MYO18A: variants seen among roughly 807,000 people sequenced by gnomAD.
MYO18A encodes the protein unconventional myosin-XVIIIa.
MYO18A carries 78 observed loss-of-function variants against 235.8 expected under a neutral mutation model. The ratio of observed to expected loss-of-function variants is 0.33; its 90% CI spans 0.28 to 0.40. The LOEUF (loss-of-function observed/expected upper bound fraction) is 0.40, where lower values mean the gene tolerates loss of function less well. Ranked by LOEUF, MYO18A falls within the 10% of genes least tolerant of loss-of-function variation. The pLI is 1.00. For missense variants in MYO18A, 2,215 were observed against 2,699.3 expected, an observed-to-expected ratio of 0.82 and a Z score of 3.98; for synonymous variants, 977 against 1,077.8, an observed-to-expected ratio of 0.91 and a Z score of 1.83.
intron 15 of MYO18A, among the ~76,000 whole-genome samples, chr17:29,112,423 C>T (rs754235717): frequency 1.3e-5 from 2 of 152,166 alleles, no homozygotes; most frequent in Admixed American, 6.5e-5. Flanking sequence ...ACTTAACGGA[C>T]GTGGCAGCCA....
chr17:29,118,054 C>T lies in MYO18A; in HGVS notation c.2029G>A (p.Ala677Thr), dbSNP rs1211149922. 1.3e-6 allele frequency: 2 copies of T among 1,582,108 alleles called. No individual in the cohort carries two copies. The highest frequency in any genetic ancestry group is 2.7e-5 in the African/African-American group (2 of 74,188). ...AAIYHLGAAG[A>T]TKEAAEAGRK... ...ACCCACTGCAGGTTACCTTTGGTGG[C>T]TCCCGCAGCCCCCAGGTGGTAGATG... The change falls in exon 10 of 42, where the codon GCC (alanine) becomes ACC (threonine). Residue 677 changes from alanine (A) to threonine (T), a missense_variant. Coordinates refer to ENST00000527372, the MANE Select transcript of MYO18A (RefSeq NM_078471.4). This position sits in a 1 kb window ranked among gnomAD's most constrained non-coding sequence, Gnocchi z 4.2.
intron 2 of MYO18A, among the ~76,000 whole-genome samples, chr17:29,157,425 C>A (rs1165863752): frequency 6.6e-6 from 1 of 152,198 alleles, no homozygotes; most frequent in Admixed American, 6.5e-5. Flanking sequence ...AGTGACAGGG[C>A]AGCAGGAGTC....
Position 29,121,784 on chromosome 17 carries a change from G to T in MYO18A, c.1195-61C>A, listed in dbSNP as rs887529916. The T allele has an allele frequency of 9.9e-6, 16 of 1,608,358 alleles. No individual in the cohort carries two copies. Among genetic ancestry groups the T allele is most frequent in the Non-Finnish European group, 1.4e-5 (16 of 1,176,444 alleles). On this transcript the variant is annotated intron_variant, in intron 4 of 41. Transcript: ENST00000527372. This position sits in a 1 kb window ranked among gnomAD's most constrained non-coding sequence, Gnocchi z 4.2. ...GCAGAGCCCATCTCCGCTGCCAGAG[G>T]ATGGGCCTGCCCTGCCCAGTGCACT...
At chr17:29,156,890 G>A (rs1224777031) in intron 2 of MYO18A, among the ~76,000 whole-genome samples, 1 of 152,204 alleles carries the variant, frequency 6.6e-6, no homozygotes, top group East Asian at 1.9e-4. Flanking sequence ...GGAGCTCAAG[G>A]GTAGACGCCA....
chr17:29,162,456 G>A (rs2068194076), intron 2 of MYO18A, among the ~76,000 whole-genome samples: 1 of 152,140 alleles, frequency 6.6e-6, no homozygotes, highest in Non-Finnish European at 1.5e-5. Context: ...GCATGTGTTT[G>A]TGACAGTGTT....
Position 29,089,950 on chromosome 17 carries a change from T to C in MYO18A, c.5526+11A>G. 1.2e-6 allele frequency: 2 copies of C among 1,613,914 alleles called. No individual in the cohort carries two copies. The highest frequency in any genetic ancestry group is 1.7e-6 in the Non-Finnish European group (2 of 1,179,836). ...CCTGTTTGGTGTGGCCCGGGAGAAG[T>C]GTGAACCCACCTCCAGCCGTTTCAC... On this transcript the variant is annotated intron_variant, in intron 37 of 41. Coordinates refer to ENST00000527372, the MANE Select transcript of MYO18A (RefSeq NM_078471.4).
chr17:29,168,232 C>T (rs1175034838), intron 1 of MYO18A, among the ~76,000 whole-genome samples: 1 of 152,052 alleles, frequency 6.6e-6, no homozygotes, highest in Non-Finnish European at 1.5e-5. Flanking sequence ...ACATCCTTTT[C>T]CCCAGACCAA....
intron 2 of MYO18A, chr17:29,131,529 T>C (rs1598355452): frequency 1.6e-6 from 1 of 623,442 alleles, no homozygotes; most frequent in Non-Finnish European, 2.0e-6. Flanking sequence ...TCAAGGGGCC[T>C]CCCTCACCCT....
chr17:29,179,423 C>T (rs1244504957), intron 1 of MYO18A, among the ~76,000 whole-genome samples: 1 of 152,138 alleles, frequency 6.6e-6, no homozygotes, highest in Admixed American at 6.5e-5. Context: ...AGGAACATGA[C>T]CCACACTCCT....
chr17:29,159,755 G>A (rs1288191075), intron 2 of MYO18A, among the ~76,000 whole-genome samples: 1 of 152,182 alleles, frequency 6.6e-6, no homozygotes, highest in African/African-American at 2.4e-5. Context: ...CAAGGTTGAT[G>A]AGGCTCATAC....
In MYO18A at chr17:29,114,111, C is replaced by T; in HGVS notation, c.2512-14G>A. The T allele has an allele frequency of 6.3e-7, 1 of 1,579,712 alleles. No individual in the cohort carries two copies. The highest frequency in any genetic ancestry group is 8.6e-7 in the Non-Finnish European group (1 of 1,161,922). On this transcript the variant is annotated splice_polypyrimidine_tract_variant and intron_variant, in intron 14 of 41. Transcript: ENST00000527372. Reference sequence around the variant, plus strand: ...CTCGATGTTCTCCTGGGAAAGAAGGCCGAGCGGTAGTGAGCATGGGGGTCA... The same window carrying T: ...CTCGATGTTCTCCTGGGAAAGAAGGTCGAGCGGTAGTGAGCATGGGGGTCA...
chr17:29,118,070 G>C lies in MYO18A; in HGVS notation c.2013C>G (p.His671Gln). 6.3e-7 allele frequency: 1 copy of C among 1,588,564 alleles called. No individual in the cohort carries two copies. Among genetic ancestry groups the C allele is most frequent in the Non-Finnish European group, 8.6e-7 (1 of 1,167,488 alleles). ...ACWFILAAIYHLGAAGATKEA... is the reference protein window; with the variant it reads ...ACWFILAAIYQLGAAGATKEA... ...CTTTGGTGGCTCCCGCAGCCCCCAG[G>C]TGGTAGATGGCAGCCAGAATGAACC... Residue 671 changes from histidine (H) to glutamine (Q), a missense_variant, in exon 10 of 42, where the codon CAC becomes CAG. Physicochemically the swap from His to Gln is conservative, Grantham distance 24. Coordinates refer to ENST00000527372, the MANE Select transcript of MYO18A (RefSeq NM_078471.4). This position sits in a 1 kb window ranked among gnomAD's most constrained non-coding sequence, Gnocchi z 4.2.
Position 29,085,787 on chromosome 17 carries a change from T to A in MYO18A, c.5853-139A>T, listed in dbSNP as rs7209661. On this transcript the variant is annotated intron_variant, in intron 39 of 41. Transcript: ENST00000527372. ...GCTCTGGCTGGTTGAGACCAGGTAG[T>A]GGGATGCGTGATGGCACTGTCCTCA... 8 of 783,550 alleles carry A rather than the reference T, an allele frequency of 1.0e-5. No individual in the cohort carries two copies. The South Asian group carries it at 1.3e-4, about 12-fold the overall frequency. The allele number at this position is 783,550 out of a possible 1,614,324, so 48.5% of individuals were successfully genotyped here.
intron 23 of MYO18A, 137 bp downstream of exon 23, chr17:29,098,689 G>T: frequency 1.6e-6 from 2 of 1,276,266 alleles, no homozygotes; most frequent in Non-Finnish European, 2.2e-6. Context: ...GCACCCCAGA[G>T]GGACATCTTC....
At chr17:29,173,589 A>G (rs1013299861) in intron 1 of MYO18A, among the ~76,000 whole-genome samples, 2 of 148,852 alleles carry the variant, frequency 1.3e-5, no homozygotes, top group African/African-American at 5.0e-5. Flanking sequence ...GGGTTTCACC[A>G]TGTTACCCAG....
intron 32 of MYO18A, 131 bp downstream of exon 32, chr17:29,093,192 T>C: frequency 9.2e-7 from 1 of 1,084,680 alleles, no homozygotes; most frequent in Non-Finnish European, 1.3e-6. Flanking sequence ...CCACAAGGGA[T>C]GACGATGGGC....
chr17:29,121,640 G>A lies in MYO18A; in HGVS notation c.1278C>T (p.Arg426=), dbSNP rs367954240. The A allele has an allele frequency of 1.3e-6, 2 of 1,577,096 alleles. No homozygotes were observed. Among genetic ancestry groups the A allele is most frequent in the Admixed American group, 3.7e-5 (2 of 53,532 alleles). The part of the protein sequence containing the change: ...LNESSVLHTL[R]QRYGASLLHT... The stretch of plus-strand genomic sequence containing the variant: ...GCAGCAGGCTAGCGCCATAGCGCTG[G>A]CGCAAGGTGTGCAGGACGCTGGACT... The change falls in exon 5 of 42, where the codon CGC becomes CGT. Residue 426 remains arginine, a synonymous_variant. Coordinates refer to ENST00000527372, the MANE Select transcript of MYO18A (RefSeq NM_078471.4). The surrounding 1 kb of genome is among the most constrained non-coding windows in gnomAD (Gnocchi z 4.2).
intron 41 of MYO18A, chr17:29,080,146 G>A (rs1335306052): frequency 2.3e-5 from 23 of 985,834 alleles, no homozygotes; most frequent in Non-Finnish European, 2.7e-5. Flanking sequence ...AGCTCGCTCC[G>A]GGGGGTCCAG....
intron 28 of MYO18A, 43 bp downstream of exon 28, chr17:29,096,718 G>A (rs755696794): frequency 1.3e-6 from 2 of 1,531,380 alleles, no homozygotes; most frequent in Non-Finnish European, 1.8e-6. Context: ...GTCTGTGGCT[G>A]CTCCAGAAGG....
Sources: gnomAD v4.1 joint callset for allele counts (sites outside exome capture counted in the v4.1 genomes callset) on GRCh38, gnomAD v4.1.1 for gene constraint, Gnocchi (gnomAD v3.1) non-coding constraint, MANE v1.5 for transcripts, NCBI Gene and HGNC (gene_info 2026-07-23, HGNC 2026-07-21) for gene names.